CSF2RA: variants seen among roughly 807,000 people sequenced by gnomAD.
The protein encoded by CSF2RA is colony stimulating factor 2 receptor subunit alpha, also known as granulocyte-macrophage colony-stimulating factor receptor subunit alpha.
Under a neutral mutation model 51.6 loss-of-function variants are expected in CSF2RA, and 42 were observed. The ratio of observed to expected loss-of-function variants is 0.81; its 90% CI spans 0.64 to 1.05. CSF2RA has a LOEUF of 1.05. Ranked by LOEUF, CSF2RA falls within the 50% of genes least tolerant of loss-of-function variation. CSF2RA has a pLI of 0.00. For synonymous variants in CSF2RA, 222 were observed against 193.0 expected (o/e 1.15, Z -1.24); for missense variants, 530 against 501.1 (o/e 1.06, Z -0.55).
At position 1,309,480 on chromosome X, in the gene CSF2RA, G is replaced by C. The variant is rs770040787; in HGVS notation, c.*1G>C. 1.9e-6 allele frequency: 3 copies of C among 1,614,006 alleles called. No individual in the cohort carries two copies. Among genetic ancestry groups the C allele is most frequent in the Middle Eastern group, 1.7e-4 (1 of 6,056 alleles). On this transcript the variant is annotated 3_prime_UTR_variant, in exon 13 of 13. Coordinates refer to ENST00000381529, the MANE Select transcript of CSF2RA (RefSeq NM_172245.4). Reference sequence around the variant, plus strand: ...CTTGACCGTGAAGGAAATTACCTGAGACCCAGAGGGTGTAGGAATGGCATG... The same window carrying C: ...CTTGACCGTGAAGGAAATTACCTGACACCCAGAGGGTGTAGGAATGGCATG...
intron 2 of CSF2RA, among the ~76,000 whole-genome samples, chrX:1,280,994 T>C (rs866794486): frequency 9.8e-4 from 47 of 47,822 alleles, no homozygotes; most frequent in East Asian, 2.7e-3. Context: ...TCCTCCTCCT[T>C]CTCCTCCTCC....
chrX:1,311,244 G>A (rs2084168662), downstream of CSF2RA, among the ~76,000 whole-genome samples: 1 of 133,642 alleles, frequency 7.5e-6, no homozygotes, highest in Non-Finnish European at 1.5e-5. Context: ...GTTAGATTCT[G>A]TCTCCAAAAA....
intron 5 of CSF2RA, 45 bp downstream of exon 5, chrX:1,288,687 C>A (rs775605644): frequency 6.2e-7 from 1 of 1,613,894 alleles, no homozygotes; most frequent in South Asian, 1.1e-5. Context: ...CTGGCCCCAC[C>A]ACCCCGCCAG....
At chrX:1,316,190 CACATAGACAGAT>C in the CSF2RA span, among the ~76,000 whole-genome samples, 1 of 150,962 alleles carries the variant, frequency 6.6e-6, no homozygotes, top group Non-Finnish European at 1.5e-5. Flanking sequence ...GATAGATAGA[CACATAGACAGAT>C]ACATAGATAC....
At chrX:1,295,557 C>A in intron 9 of CSF2RA, 101 bp downstream of exon 9, 2 of 870,856 alleles carry the variant, frequency 2.3e-6, no homozygotes, top group South Asian at 1.5e-5. Flanking sequence ...CTCATGACCC[C>A]TACAGTCCCC....
intron 3 of CSF2RA, 155 bp from the exon 4 acceptor site, chrX:1,285,623 T>C (rs2090539058): frequency 1.3e-6 from 1 of 764,142 alleles, no homozygotes; most frequent in East Asian, 3.0e-5. Flanking sequence ...TGAACCCGGG[T>C]GGTGGAGCTT....
At chrX:1,320,743 C>G in the CSF2RA span, among the ~76,000 whole-genome samples, 10 of 149,166 alleles carry the variant, frequency 6.7e-5, no homozygotes, top group South Asian at 1.1e-3. Flanking sequence ...GATCCCCTGA[C>G]CTTGTGATCC....
intron 3 of CSF2RA, among the ~76,000 whole-genome samples, chrX:1,283,908 G>T (rs1192597097): frequency 3.3e-5 from 5 of 152,072 alleles, no homozygotes; most frequent in Non-Finnish European, 7.4e-5. Flanking sequence ...ATTGTGACTG[G>T]CGTGGAATGA....
At chrX:1,301,331 CAAAAAAAA>C (rs1156943650) in intron 10 of CSF2RA, among the ~76,000 whole-genome samples, 9 of 62,690 alleles carry the variant, frequency 1.4e-4, no homozygotes, top group East Asian at 5.6e-4. Flanking sequence ...GACTCTGTCT[CAAAAAAAA>C]AAAAAAAAAA....
chrX:1,306,971 A>G (rs2083638502), intron 12 of CSF2RA, among the ~76,000 whole-genome samples: 1 of 151,272 alleles, frequency 6.6e-6, no homozygotes. Flanking sequence ...ACACACAGAG[A>G]CACCGAGAGA....
At chrX:1,316,250 A>G in the CSF2RA span, among the ~76,000 whole-genome samples, 1 of 144,780 alleles carries the variant, frequency 6.9e-6, no homozygotes, top group African/African-American at 2.6e-5. Flanking sequence ...CAGATGATAG[A>G]TTAGATAGAT....
chrX:1,308,177 C>T (rs73618056), intron 12 of CSF2RA, among the ~76,000 whole-genome samples: 4,105 of 152,230 alleles, frequency 0.027, 183 homozygotes, highest in African/African-American at 0.091. Context: ...TACAAAGCCC[C>T]TTCGTAGCAG....
chrX:1,289,947 G>GT (rs1225369716), intron 6 of CSF2RA, among the ~76,000 whole-genome samples: 1 of 94,710 alleles, frequency 1.1e-5, no homozygotes, highest in African/African-American at 4.0e-5. Context: ...GTGTTTTTGT[G>GT]TTTTGTTTTG....
At chrX:1,291,371 C>T (rs552367901) in intron 7 of CSF2RA, among the ~76,000 whole-genome samples, 51 of 148,576 alleles carry the variant, frequency 3.4e-4, no homozygotes, top group Middle Eastern at 3.4e-3. Flanking sequence ...CCCTCTCTCC[C>T]TCCCTTCTTC....
In CSF2RA at chrX:1,305,543, C is replaced by A. The variant is rs770517226; in HGVS notation, c.1125+16C>A. The stretch of plus-strand genomic sequence containing the variant: ...GGAAGACGAGGTAGGCAGGGGTGGG[C>A]GGAGCAGTGACCTGGGATGGAAGGT... On this transcript the variant is annotated intron_variant, in intron 12 of 12. Transcript: ENST00000381529. The A allele has an allele frequency of 5.6e-6, 9 of 1,613,850 alleles. No homozygotes were observed. Among genetic ancestry groups the A allele is most frequent in the South Asian group, 5.5e-5 (5 of 91,064 alleles).
chrX:1,314,972 GCCTGCCCAATCGCACTGCA>G (rs1282065073), downstream of CSF2RA, among the ~76,000 whole-genome samples: 1,480 of 45,184 alleles, frequency 0.033, 190 homozygotes, highest in African/African-American at 0.1. Context: ...ACCCCACTGT[GCCTGCCCAATCGCACTGCA>G]CCTGCCCAAC....
chrX:1,323,990 G>C, the CSF2RA span, among the ~76,000 whole-genome samples: 25 of 150,944 alleles, frequency 1.7e-4, no homozygotes, highest in Admixed American at 5.3e-4. Context: ...TTCCAGCCTG[G>C]ACAATGGTGT....
the CSF2RA span, among the ~76,000 whole-genome samples, chrX:1,315,562 C>G: frequency 6.6e-6 from 1 of 151,996 alleles, no homozygotes; most frequent in Non-Finnish European, 1.5e-5. Context: ...CACCACCACC[C>G]CCAGCCAATT....
chrX:1,308,103 G>A (rs1414235552), intron 12 of CSF2RA, among the ~76,000 whole-genome samples: 2 of 152,052 alleles, frequency 1.3e-5, no homozygotes, highest in Non-Finnish European at 2.9e-5. Flanking sequence ...ATTAGATAAG[G>A]CCCACCCACA....
Sources: allele counts gnomAD v4.1 joint callset (sites outside exome capture counted in the v4.1 genomes callset), GRCh38; gene constraint gnomAD v4.1.1; transcripts MANE v1.5; gene names NCBI Gene and HGNC (gene_info 2026-07-23, HGNC 2026-07-21).